The following CEP350 variants were observed in gnomAD, a reference collection of about 807,000 sequenced individuals.
CEP350 encodes centrosomal protein 350.
Under a neutral mutation model 331.8 loss-of-function variants are expected in CEP350, and 126 were observed. That is an observed-to-expected ratio of 0.38 (90% CI 0.33 to 0.44). The LOEUF (loss-of-function observed/expected upper bound fraction) is 0.44, where lower values mean the gene tolerates loss of function less well. Ranked by LOEUF, CEP350 falls within the 20% of genes least tolerant of loss-of-function variation. The probability of loss-of-function intolerance (pLI) is 1.00; values close to 1 mark genes in which losing one functional copy is unlikely to be tolerated. For missense variants in CEP350, 3,406 were observed against 3,634.6 expected, an observed-to-expected ratio of 0.94 and a Z score of 1.62; for synonymous variants, 1,200 against 1,259.5, an observed-to-expected ratio of 0.95 and a Z score of 1.00.
intron 1 of CEP350, among the ~76,000 whole-genome samples, chr1:179,963,546 G>T (rs886178105): frequency 2.0e-5 from 3 of 151,540 alleles, no homozygotes; most frequent in Non-Finnish European, 4.4e-5. Flanking sequence ...CAGTTTTTTT[G>T]TGTGTTTTTT....
At chr1:180,026,138 G>C (rs111666294) in intron 14 of CEP350, among the ~76,000 whole-genome samples, 6 of 152,080 alleles carry the variant, frequency 3.9e-5, no homozygotes, top group Non-Finnish European at 4.4e-5. Flanking sequence ...AGGCATGTTG[G>C]TGGGTGCCTA....
chr1:180,018,093 C>A (rs1655084434), intron 11 of CEP350, among the ~76,000 whole-genome samples: 1 of 152,176 alleles, frequency 6.6e-6, no homozygotes, highest in African/African-American at 2.4e-5. Context: ...GCAGCCTCAA[C>A]CTCTTGGACT....
In CEP350 at chr1:180,020,048, A is replaced by T. The variant is rs769015597; in HGVS notation, c.2274A>T (p.Leu758Phe). ...PQPFAGTAGS[L>F]LSHLLSLEHV... ...CTTTTGCTGGAACAGCTGGAAGTTT[A>T]CTCTCCCATCTCTTGAGTTTAGAGC... Residue 758 changes from leucine (L) to phenylalanine (F), a missense_variant, in exon 12 of 38, where the codon TTA (leucine) becomes TTT (phenylalanine). Leu to Phe is a conservative substitution (Grantham distance 22). This residue lies in a region of CEP350 where 1,857 missense variants were observed against 1,909.2 expected (regional missense o/e 0.97). Transcript: ENST00000367607. 16 of 1,613,870 alleles carry T rather than the reference A, an allele frequency of 9.9e-6. No individual in the cohort carries two copies. Among genetic ancestry groups the T allele is most frequent in the African/African-American group, 1.3e-5 (1 of 74,920 alleles).
Position 180,111,229 on chromosome 1 carries a change from A to C in CEP350, c.*68A>C. 6.4e-7 allele frequency: 1 copy of C among 1,555,688 alleles called. No individual in the cohort carries two copies. The highest frequency in any genetic ancestry group is 8.8e-7 in the Non-Finnish European group (1 of 1,141,830). ...TGGGCCTTTCTGCCTCCTGATGTAC[A>C]CCCATCGCCATCATAGCAAGAGTGC... On this transcript the variant is annotated 3_prime_UTR_variant, in exon 38 of 38. Coordinates refer to ENST00000367607, the MANE Select transcript of CEP350 (RefSeq NM_014810.5).
chr1:180,078,545 C>T lies in CEP350; in HGVS notation c.5850C>T (p.Ser1950=), dbSNP rs1322757254. 6.2e-7 allele frequency: 1 copy of T among 1,613,564 alleles called. No homozygotes were observed. The highest frequency in any genetic ancestry group is 8.5e-7 in the Non-Finnish European group (1 of 1,179,736). Reference sequence around the variant, plus strand: ...GCTCCATTCCAGAAGAATTAGGCAGCCCTGCTGTTGAATATGTACCATCCG... The same window carrying T: ...GCTCCATTCCAGAAGAATTAGGCAGTCCTGCTGTTGAATATGTACCATCCG... The part of the protein sequence containing the change: ...SESSIPEELG[S]PAVEYVPSES... Residue 1950 remains serine (S), a synonymous_variant, in exon 29 of 38, where the codon AGC becomes AGT. Coordinates refer to ENST00000367607, the MANE Select transcript of CEP350 (RefSeq NM_014810.5).
At chr1:180,102,259 C>T (rs1256307919) in intron 37 of CEP350, among the ~76,000 whole-genome samples, 1 of 151,986 alleles carries the variant, frequency 6.6e-6, no homozygotes, top group East Asian at 1.9e-4. Context: ...TCTCAGTCTC[C>T]GGAGTAGCTG....
In CEP350 at chr1:180,043,970, CAT is replaced by C. The variant is rs1339499211; in HGVS notation, c.4500-78_4500-77del. ...TATCTATTTGTTCAAGATTTTATCT[CAT>C]ATTACTATTAAGCAATACTTAAAAT... On this transcript the variant is annotated intron_variant, in intron 20 of 37. Transcript: ENST00000367607. The C allele has an allele frequency of 4.4e-6, 5 of 1,130,676 alleles. No individual in the cohort carries two copies. In the African/African-American group the frequency reaches 6.5e-5, roughly 15 times the overall value. 70.0% of individuals were successfully genotyped at this position (1,130,676 alleles called of 1,614,324 possible). A position where few individuals can be genotyped will look rare whatever the true frequency, so the allele number is the denominator to read the frequency against.
In CEP350 at chr1:180,111,178, C is replaced by T. The variant is rs16855289; in HGVS notation, c.*17C>T. On this transcript the variant is annotated 3_prime_UTR_variant, in exon 38 of 38. Transcript: ENST00000367607. The stretch of plus-strand genomic sequence containing the variant: ...CTTGTGTGACATCTTGCAAATAAAT[C>T]GAACGCTGAGTGCTAATGTGAGTCC... 34,353 of 1,612,466 alleles carry T rather than the reference C, an allele frequency of 0.021. 639 individuals are homozygous for T. The highest frequency in any genetic ancestry group is 0.064 in the South Asian group (5,814 of 90,918).
chr1:180,044,314 G>C, intron 21 of CEP350, 141 bp downstream of exon 21: 1 of 771,178 alleles, frequency 1.3e-6, no homozygotes, highest in Non-Finnish European at 1.9e-6. Context: ...TCCCTAATTA[G>C]CCAATTTACA....
intron 14 of CEP350, among the ~76,000 whole-genome samples, chr1:180,027,400 A>G (rs1294763462): frequency 6.6e-6 from 1 of 152,026 alleles, no homozygotes; most frequent in Non-Finnish European, 1.5e-5. Flanking sequence ...GTTTTTTGAG[A>G]TAGGGTCTCA....
At chr1:179,961,019 G>T (rs1008443836) in intron 1 of CEP350, among the ~76,000 whole-genome samples, 5 of 151,882 alleles carry the variant, frequency 3.3e-5, no homozygotes, top group African/African-American at 4.8e-5. Flanking sequence ...TCCATGTTCT[G>T]TGCTCCCAAA....
intron 37 of CEP350, among the ~76,000 whole-genome samples, chr1:180,107,968 A>G (rs1352516176): frequency 6.6e-6 from 1 of 152,138 alleles, no homozygotes; most frequent in Non-Finnish European, 1.5e-5. Flanking sequence ...GAAATGAGTC[A>G]TAGAATATAA....
At chr1:179,991,697 GTGTGTGTGTGTATA>G (rs1653093703) in intron 4 of CEP350, among the ~76,000 whole-genome samples, 1 of 130,086 alleles carries the variant, frequency 7.7e-6, no homozygotes, top group Non-Finnish European at 1.6e-5. Context: ...GTGTGTGTGT[GTGTGTGTGTGTATA>G]TATATATATA....
At position 180,050,683 on chromosome 1, in the gene CEP350, A is replaced by C. The variant is rs556578133; in HGVS notation, c.4792+1978A>C. ...TGTCTCCAAAAAAACCAAAAAAAAA[A>C]AAAAAAACAAAAAAACCTCAATAAT... is the stretch of plus-strand genomic sequence containing the variant. On this transcript the variant is annotated intron_variant, in intron 22 of 37. Transcript: ENST00000367607. Among the ~76,000 whole-genome samples the C allele has an allele frequency of 1.4e-3, 218 of 151,768 alleles. 1 individual carries two copies. Among genetic ancestry groups the C allele is most frequent in the African/African-American group, 4.9e-3 (203 of 41,406 alleles).
Position 179,997,019 on chromosome 1 carries a change from C to G in CEP350, c.862C>G (p.Arg288Gly). 6.2e-7 allele frequency: 1 copy of G among 1,613,890 alleles called. No individual in the cohort carries two copies. Among genetic ancestry groups the G allele is most frequent in the African/African-American group, 1.3e-5 (1 of 74,980 alleles). Residue 288 changes from arginine to glycine, a missense_variant, in exon 6 of 38, where the codon CGG (arginine) becomes GGG (glycine). By Grantham distance (125) the Arg-to-Gly change is moderately radical (BLOSUM62 -2). Transcript: ENST00000367607. ...HDVKLEKLKERIRKQWEHSEE... is the reference protein window; with the variant it reads ...HDVKLEKLKEGIRKQWEHSEE... ...TGTCAAACTGGAAAAACTTAAGGAA[C>G]GGATTAGAAAACAGTGGGAACACTC... is the stretch of plus-strand genomic sequence containing the variant.
intron 1 of CEP350, among the ~76,000 whole-genome samples, chr1:179,962,502 C>T (rs1271742433): frequency 1.3e-5 from 2 of 152,216 alleles, no homozygotes; most frequent in Middle Eastern, 3.4e-3. Flanking sequence ...TTCCGCCTCC[C>T]GGGTCCAAGC....
chr1:179,965,462 GT>G (rs886286904), intron 1 of CEP350, among the ~76,000 whole-genome samples: 1 of 151,996 alleles, frequency 6.6e-6, no homozygotes, highest in Non-Finnish European at 1.5e-5. Flanking sequence ...ATGCTTTGAC[GT>G]TCTGTTTCTA....
chr1:180,034,868 A>G (rs1008093247), intron 16 of CEP350, among the ~76,000 whole-genome samples: 1 of 152,192 alleles, frequency 6.6e-6, no homozygotes, highest in African/African-American at 2.4e-5. Flanking sequence ...CTAAGTATTC[A>G]CGTGAGAGGA....
intron 31 of CEP350, among the ~76,000 whole-genome samples, chr1:180,086,960 T>C (rs1411905681): frequency 6.6e-6 from 1 of 152,182 alleles, no homozygotes; most frequent in Non-Finnish European, 1.5e-5. Context: ...TCTGAAATAG[T>C]GAGAGCTGTA....
Sources: allele counts gnomAD v4.1 joint callset (sites outside exome capture counted in the v4.1 genomes callset), GRCh38; gene constraint gnomAD v4.1.1; regional missense constraint gnomAD v4.1.1; transcripts MANE v1.5; gene names NCBI Gene and HGNC (gene_info 2026-07-23, HGNC 2026-07-21).